FAIM2: variants seen among roughly 807,000 people sequenced by gnomAD.
FAIM2 encodes the protein protein lifeguard 2.
FAIM2 carries 27 observed loss-of-function variants against 47.4 expected under a neutral mutation model. The ratio of observed to expected loss-of-function variants is 0.57; its 90% CI spans 0.42 to 0.78. The LOEUF is 0.78. Among genes scored for constraint, FAIM2 ranks in the 30% least tolerant of loss-of-function variants. The pLI, the probability that FAIM2 is intolerant of heterozygous loss-of-function variation, is 0.00. For missense variants in FAIM2, 311 were observed against 389.4 expected (o/e 0.80, Z 1.69); for synonymous variants, 156 against 159.3 (o/e 0.98, Z 0.16).
At chr12:49,877,780 G>A (rs1366062364) in intron 11 of FAIM2, among the ~76,000 whole-genome samples, 1 of 152,108 alleles carries the variant, frequency 6.6e-6, no homozygotes, top group East Asian at 1.9e-4. Flanking sequence ...GTATATGTGT[G>A]TGCATGTGTA....
At chr12:49,886,718 C>T (rs764815558) in intron 11 of FAIM2, among the ~76,000 whole-genome samples, 5 of 152,154 alleles carry the variant, frequency 3.3e-5, no homozygotes, top group South Asian at 2.1e-4. Flanking sequence ...CCTCATGATC[C>T]GCCCTCCTCA....
At chr12:49,881,106 A>G (rs886384134) in intron 11 of FAIM2, among the ~76,000 whole-genome samples, 1 of 152,058 alleles carries the variant, frequency 6.6e-6, no homozygotes, top group African/African-American at 2.4e-5. Flanking sequence ...GCATCTTCCT[A>G]TCCCAGCTCT....
chr12:49,878,273 CAT>C (rs1315129261), intron 11 of FAIM2, among the ~76,000 whole-genome samples: 1 of 97,308 alleles, frequency 1.0e-5, no homozygotes, highest in African/African-American at 4.3e-5. Context: ...TGTGTGTGTC[CAT>C]GTGTCTATAT....
chr12:49,880,038 A>G (rs1419562128), intron 11 of FAIM2, among the ~76,000 whole-genome samples: 76 of 73,428 alleles, frequency 1.0e-3, no homozygotes, highest in African/African-American at 4.8e-3. Context: ...ATGTGAGTGT[A>G]TATGCATGTG....
At position 49,879,880 on chromosome 12, in the gene FAIM2, GTA is replaced by G. The variant is rs1451129920; in HGVS notation, c.801+7504_801+7505del. ...TTCATGTGTATATGTACGTGTATGT[GTA>G]TGTGTGCATGTGTATGTGCATGTGT... On this transcript the variant is annotated intron_variant, in intron 11 of 11. Coordinates refer to ENST00000320634, the MANE Select transcript of FAIM2 (RefSeq NM_012306.4). Among the ~76,000 whole-genome samples the G allele has an allele frequency of 1.8e-4, 22 of 119,244 alleles. No individual in the cohort carries two copies. In the East Asian group the frequency reaches 2.1e-3, roughly 11 times the overall value. The allele number at this position is 119,244 out of a possible 152,430, so 78.2% of individuals were successfully genotyped here. A position where few individuals can be genotyped will look rare whatever the true frequency, so the allele number is the denominator to read the frequency against.
intron 2 of FAIM2, among the ~76,000 whole-genome samples, chr12:49,898,457 G>C (rs1315026941): frequency 1.3e-5 from 2 of 148,250 alleles, no homozygotes; most frequent in East Asian, 3.9e-4. Context: ...GGATCACAGA[G>C]GGCCAGCCAC....
intron 11 of FAIM2, among the ~76,000 whole-genome samples, chr12:49,877,307 T>G (rs1452802577): frequency 6.6e-6 from 1 of 152,070 alleles, no homozygotes; most frequent in Non-Finnish European, 1.5e-5. Context: ...CAATCACTGA[T>G]CAGTCCACCC....
At chr12:49,898,535 G>GT (rs1174104431) in intron 2 of FAIM2, among the ~76,000 whole-genome samples, 2 of 152,020 alleles carry the variant, frequency 1.3e-5, no homozygotes, top group Non-Finnish European at 1.5e-5. Context: ...GTTTTGTTTT[G>GT]TTTTTTTGAG....
At chr12:49,872,496 T>C (rs897057) in intron 11 of FAIM2, among the ~76,000 whole-genome samples, 112,144 of 152,134 alleles carry the variant, frequency 0.74, 41,685 homozygotes, top group African/African-American at 0.8. Context: ...TTCCTTCACC[T>C]CCGCCATGGA....
intron 11 of FAIM2, among the ~76,000 whole-genome samples, chr12:49,875,617 TGGCC>T (rs1946730912): frequency 6.6e-6 from 1 of 152,154 alleles, no homozygotes; most frequent in Non-Finnish European, 1.5e-5. Context: ...TCAAAAAGCC[TGGCC>T]CAGGATGAAA....
At chr12:49,902,393 T>C (rs1946987397) in intron 1 of FAIM2, 1 of 152,272 alleles carries the variant, frequency 6.6e-6, no homozygotes, top group South Asian at 2.1e-4. Context: ...GACTGCGGAC[T>C]TCCTTCTTTG....
chr12:49,901,229 A>G lies in FAIM2; in HGVS notation c.112T>C (p.Tyr38His). The G allele has an allele frequency of 6.2e-7, 1 of 1,611,666 alleles. No individual in the cohort carries two copies. Among genetic ancestry groups the G allele is most frequent in the African/African-American group, 1.3e-5 (1 of 74,878 alleles). The change falls in exon 2 of 12, where the codon TAT (tyrosine) becomes CAT (histidine). Residue 38 changes from tyrosine (Y) to histidine (H), a missense_variant. Tyr to His is a moderately conservative substitution (Grantham distance 83). Coordinates refer to ENST00000320634, the MANE Select transcript of FAIM2 (RefSeq NM_012306.4). The part of the protein sequence containing the change: ...APAVPSAPPS[Y>H]EEATSGEGMK... ...CCCTCCCCAGAGGTGGCTTCCTCAT[A>G]GGAGGGTGGGGCTGAGGGCACTGCT... is the stretch of plus-strand genomic sequence containing the variant.
In FAIM2 at chr12:49,890,693, A is replaced by G; in HGVS notation, c.515T>C (p.Leu172Pro). The change falls in exon 7 of 12, where the codon CTG becomes CCG. Residue 172 changes from leucine (L) to proline (P), a missense_variant. Physicochemically the swap from Leu to Pro is moderately conservative, Grantham distance 98. Coordinates refer to ENST00000320634, the MANE Select transcript of FAIM2 (RefSeq NM_012306.4). ...CCCAGGATCACTTACAAAGACGGTC[A>G]GGAGAATCAGGTTCCAGGGGAAATG... ...RRHFPWNLIL[L>P]TVFTLSMAYL... is the part of the protein sequence containing the mutation. 1 of 1,614,052 alleles carries G rather than the reference A, an allele frequency of 6.2e-7. No homozygotes were observed. The highest frequency in any genetic ancestry group is 8.5e-7 in the Non-Finnish European group (1 of 1,179,912).
chr12:49,877,923 T>C (rs968670962), intron 11 of FAIM2, among the ~76,000 whole-genome samples: 6 of 151,954 alleles, frequency 3.9e-5, no homozygotes, highest in African/African-American at 1.5e-4. Context: ...CATGTGAGTG[T>C]ATGCATCTGT....
rs1946691461 is a variant in FAIM2 at position 49,870,126 on chromosome 12, C to T, written c.*378G>A. Reference sequence around the variant, plus strand: ...CCCTAAGGCCACATGATTGTGCAGCCCTAGGAGGAATTGCAGTGGGGCTCA... The same window carrying T: ...CCCTAAGGCCACATGATTGTGCAGCTCTAGGAGGAATTGCAGTGGGGCTCA... On this transcript the variant is annotated 3_prime_UTR_variant, in exon 12 of 12. Transcript: ENST00000320634. The T allele has an allele frequency of 4.6e-6, 1 of 218,458 alleles. No individual in the cohort carries two copies. Among genetic ancestry groups the T allele is most frequent in the Non-Finnish European group, 9.2e-6 (1 of 109,190 alleles). 13.5% of individuals were successfully genotyped at this position (218,458 alleles called of 1,614,324 possible).
intron 11 of FAIM2, among the ~76,000 whole-genome samples, chr12:49,885,341 T>G (rs1336927776): frequency 6.6e-6 from 1 of 152,176 alleles, no homozygotes; most frequent in Non-Finnish European, 1.5e-5. Context: ...ATCACCAGAC[T>G]GTCTGCCCTG....
intron 5 of FAIM2, among the ~76,000 whole-genome samples, chr12:49,894,133 T>C (rs756900546): frequency 9.2e-5 from 14 of 152,220 alleles, no homozygotes; most frequent in African/African-American, 3.4e-4. Flanking sequence ...CAAGACCCAG[T>C]TTCCACTTTA....
At chr12:49,897,765 C>CCG (rs1946948934) in intron 3 of FAIM2, among the ~76,000 whole-genome samples, 182 bp from the exon 4 acceptor site, 1 of 69,052 alleles carries the variant, frequency 1.4e-5, no homozygotes, top group South Asian at 5.8e-4. Context: ...GCCAAGCGCA[C>CCG]CCCCCCCCAG....
intron 11 of FAIM2, among the ~76,000 whole-genome samples, chr12:49,885,090 G>C (rs995010406): frequency 2.0e-5 from 3 of 152,236 alleles, no homozygotes; most frequent in Non-Finnish European, 1.5e-5. Context: ...GTGGAGATGC[G>C]GGGAGGTAAC....
Sources: allele counts gnomAD v4.1 joint callset (sites outside exome capture counted in the v4.1 genomes callset), GRCh38; gene constraint gnomAD v4.1.1; transcripts MANE v1.5; gene names NCBI Gene and HGNC (gene_info 2026-07-23, HGNC 2026-07-21).